The following ATXN1 variants were observed in gnomAD, a reference collection of about 807,000 sequenced individuals.
ATXN1 encodes ataxin-1.
ATXN1 carries 8 observed loss-of-function variants against 56.4 expected under a neutral mutation model. The observed-to-expected ratio is 0.14, with a 90% CI of 0.08 to 0.26. ATXN1 has a LOEUF of 0.26. ATXN1 is among the 10% of genes least tolerant of loss of function. ATXN1 has a pLI of 1.00. For missense variants in ATXN1, 987 were observed against 1,106.5 expected, an observed-to-expected ratio of 0.89 and a Z score of 1.53; for synonymous variants, 514 against 494.6, an observed-to-expected ratio of 1.04 and a Z score of -0.52.
intron 6 of ATXN1, among the ~76,000 whole-genome samples, chr6:16,408,265 C>T (rs548650506): frequency 7.9e-5 from 12 of 152,144 alleles, no homozygotes; most frequent in African/African-American, 2.6e-4. Flanking sequence ...AGGGCAGAAA[C>T]GGGAGTTGAT....
At chr6:16,594,464 C>CT (rs1298587693) in intron 3 of ATXN1, among the ~76,000 whole-genome samples, 1 of 150,832 alleles carries the variant, frequency 6.6e-6, no homozygotes, top group African/African-American at 2.4e-5. Context: ...GCTCAAATTC[C>CT]TTTTTTTCCT....
chr6:16,717,663 T>C (rs1759666252), intron 2 of ATXN1, among the ~76,000 whole-genome samples: 1 of 152,204 alleles, frequency 6.6e-6, no homozygotes, highest in Non-Finnish European at 1.5e-5. Flanking sequence ...GGATTAACAT[T>C]CTGGCATAAC....
At chr6:16,412,793 T>C (rs549842350) in intron 6 of ATXN1, among the ~76,000 whole-genome samples, 5 of 152,206 alleles carry the variant, frequency 3.3e-5, no homozygotes, top group Non-Finnish European at 5.9e-5. Context: ...CCCCACAAAG[T>C]AGTAGATTTC....
At chr6:16,426,878 A>G (rs1413976163) in intron 6 of ATXN1, among the ~76,000 whole-genome samples, 1 of 150,558 alleles carries the variant, frequency 6.6e-6, no homozygotes, top group Admixed American at 6.6e-5. Context: ...GGGGAAAGAA[A>G]AAAAAAAAAA....
chr6:16,402,268 T>G (rs1324780230), intron 6 of ATXN1, among the ~76,000 whole-genome samples: 6 of 134,512 alleles, frequency 4.5e-5, no homozygotes, highest in South Asian at 2.4e-4. Flanking sequence ...TTTTTTTTTT[T>G]TTTTTTTTTT....
intron 3 of ATXN1, among the ~76,000 whole-genome samples, chr6:16,632,229 G>C (rs1299749780): frequency 2.0e-5 from 3 of 152,152 alleles, no homozygotes; most frequent in Non-Finnish European, 4.4e-5. Flanking sequence ...CATGTTAGAG[G>C]CATCCTTCCT....
intron 6 of ATXN1, among the ~76,000 whole-genome samples, chr6:16,402,457 G>A (rs1758597495): frequency 2.0e-5 from 3 of 151,436 alleles, no homozygotes; most frequent in Admixed American, 2.0e-4. Context: ...AAACTTACGA[G>A]ACAACTGGCT....
At chr6:16,473,135 A>G (rs748153935) in intron 6 of ATXN1, among the ~76,000 whole-genome samples, 1 of 152,202 alleles carries the variant, frequency 6.6e-6, no homozygotes. Context: ...GAAAAAAATT[A>G]GAAAACTTGG....
intron 2 of ATXN1, among the ~76,000 whole-genome samples, chr6:16,742,343 T>A (rs1760368805): frequency 6.6e-6 from 1 of 152,122 alleles, no homozygotes; most frequent in Non-Finnish European, 1.5e-5. Context: ...TGGGTTGCAG[T>A]GACCCAGGCA....
chr6:16,340,740 G>A (rs533198481), intron 6 of ATXN1, among the ~76,000 whole-genome samples: 1 of 152,278 alleles, frequency 6.6e-6, no homozygotes, highest in South Asian at 2.1e-4. Flanking sequence ...ATATAACAAC[G>A]TTGAAGTAAC....
intron 5 of ATXN1, among the ~76,000 whole-genome samples, chr6:16,501,699 C>A (rs1465091526): frequency 6.6e-6 from 1 of 152,150 alleles, no homozygotes; most frequent in Non-Finnish European, 1.5e-5. Context: ...ATATTTACCA[C>A]ATTTTCTTTA....
Position 16,332,736 on chromosome 6 carries a change from A to G in ATXN1, c.-160-4266T>C, listed in dbSNP as rs190511454. On this transcript the variant is annotated intron_variant, in intron 6 of 7. Transcript: ENST00000436367. ...GCTACCCATGGTTTGCCTGATAATC[A>G]CTGTTCTGAATACATTCATCTTAAG... Among the ~76,000 whole-genome samples the G allele has an allele frequency of 3.3e-5, 5 of 152,358 alleles. No individual in the cohort carries two copies. In the East Asian group the frequency reaches 9.6e-4, roughly 29 times the overall value.
At position 16,397,389 on chromosome 6, in the gene ATXN1, G is replaced by A. The variant is rs529032520; in HGVS notation, c.-160-68919C>T. 4.6e-5 allele frequency among the ~76,000 whole-genome samples: 7 copies of A among 152,076 alleles called. No individual in the cohort carries two copies. In the South Asian group the frequency reaches 8.3e-4, roughly 18 times the overall value. On this transcript the variant is annotated intron_variant, in intron 6 of 7. Transcript: ENST00000436367. ...AGTGATTCTCCTGCTTCAGCCTCCC[G>A]AGTAGCTGGAATTACAGGTGCCCAC...
intron 6 of ATXN1, among the ~76,000 whole-genome samples, chr6:16,364,764 C>T (rs1246628422): frequency 2.6e-5 from 4 of 152,054 alleles, no homozygotes; most frequent in Non-Finnish European, 4.4e-5. Context: ...TCTCCTTAAA[C>T]CCCATTTTAT....
At chr6:16,532,758 C>A in intron 4 of ATXN1, among the ~76,000 whole-genome samples, 1 of 152,116 alleles carries the variant, frequency 6.6e-6, no homozygotes. Flanking sequence ...AGGATGTGGA[C>A]AAATTGGAAC....
At chr6:16,668,322 C>T (rs923684623) in intron 2 of ATXN1, among the ~76,000 whole-genome samples, 14 of 151,356 alleles carry the variant, frequency 9.2e-5, no homozygotes, top group Non-Finnish European at 1.5e-4. Context: ...TTAGGTATAT[C>T]TCCTAATGCT....
At chr6:16,586,976 C>T (rs896393593) in intron 3 of ATXN1, among the ~76,000 whole-genome samples, 1 of 151,910 alleles carries the variant, frequency 6.6e-6, no homozygotes, top group African/African-American at 2.4e-5. Context: ...TGAGATCATG[C>T]CACTGCACTC....
At chr6:16,347,118 C>A (rs968852811) in intron 6 of ATXN1, among the ~76,000 whole-genome samples, 2 of 152,222 alleles carry the variant, frequency 1.3e-5, no homozygotes, top group African/African-American at 4.8e-5. Context: ...CCTGAACCTC[C>A]CCCTGCCCCT....
At chr6:16,307,446 A>G (rs1371367620) in intron 7 of ATXN1, among the ~76,000 whole-genome samples, 1 of 152,082 alleles carries the variant, frequency 6.6e-6, no homozygotes, top group African/African-American at 2.4e-5. Flanking sequence ...AGGTGGGTGG[A>G]TCATTTGAGG....
Sources: allele counts gnomAD v4.1 joint callset (sites outside exome capture counted in the v4.1 genomes callset), GRCh38; gene constraint gnomAD v4.1.1; transcripts MANE v1.5; gene names NCBI Gene and HGNC (gene_info 2026-07-23, HGNC 2026-07-21).